The following FAM78B variants were observed in gnomAD, a reference collection of about 807,000 sequenced individuals.
The protein encoded by FAM78B is protein FAM78B.
FAM78B carries 10 observed loss-of-function variants against 20.0 expected under a neutral mutation model. The ratio of observed to expected loss-of-function variants is 0.50; its 90% confidence interval spans 0.31 to 0.85. FAM78B has a LOEUF of 0.85. FAM78B is among the 40% of genes least tolerant of loss of function. The pLI is 0.05. For synonymous variants in FAM78B, 135 were observed against 132.8 expected (o/e 1.02, Z -0.12); for missense variants, 283 against 345.0 (o/e 0.82, Z 1.42).
At chr1:166,109,488 T>C (rs1279541714) in intron 1 of FAM78B, among the ~76,000 whole-genome samples, 10 of 151,906 alleles carry the variant, frequency 6.6e-5, no homozygotes, top group African/African-American at 2.4e-4. Context: ...AGAATGGCCA[T>C]AAATGAAAAA....
rs61835120 is a variant in FAM78B, at chr1:166,130,311, G to C, written c.263+35675C>G. On this transcript the variant is annotated intron_variant, in intron 1 of 1. Transcript: ENST00000354422. ...GCTGGACCACATAGGGATGTGGATAGAATATGCTGTTTCTTCTTTCTGCTT... is the reference window on the plus strand; with the variant it reads ...GCTGGACCACATAGGGATGTGGATACAATATGCTGTTTCTTCTTTCTGCTT... Among the ~76,000 whole-genome samples the C allele has an allele frequency of 8.4e-3, 1,274 of 152,366 alleles. 8 individuals carry two copies. The highest frequency in any genetic ancestry group is 0.012 in the Non-Finnish European group (846 of 68,038).
Position 166,073,534 on chromosome 1 carries a change from C to CT in FAM78B, c.264-2772dup, listed in dbSNP as rs1416198695. Among the ~76,000 whole-genome samples, 16 of 134,218 alleles carry CT rather than the reference C, an allele frequency of 1.2e-4. No homozygotes were observed. In the East Asian group the frequency reaches 2.7e-3, roughly 23 times the overall value. The allele number at this position is 134,218 out of a possible 152,430, so 88.1% of individuals were successfully genotyped here. ...TCTCGCTCCCTTCCTTTCTCTTTCTCTCTTTTTTTTTTTTTTTCCAAAAGG... is the reference window on the plus strand; with the variant it reads ...TCTCGCTCCCTTCCTTTCTCTTTCTCTTCTTTTTTTTTTTTTTTCCAAAAGG... On this transcript the variant is annotated intron_variant, in intron 1 of 1. Transcript: ENST00000354422.
chr1:166,109,866 GTGTATA>G (rs1557903261), intron 1 of FAM78B, among the ~76,000 whole-genome samples: 2 of 17,156 alleles, frequency 1.2e-4, no homozygotes, highest in Non-Finnish European at 2.4e-4. Flanking sequence ...ATATATGTAT[GTGTATA>G]TATATATATG....
At chr1:166,066,482 A>C (rs940588036), downstream of FAM78B, among the ~76,000 whole-genome samples, 6 of 152,210 alleles carry the variant, frequency 3.9e-5, no homozygotes, top group Admixed American at 6.5e-5. Context: ...GGAGAGGCAG[A>C]ACAGGATAGT....
chr1:166,102,007 A>T (rs913854943), intron 1 of FAM78B, among the ~76,000 whole-genome samples: 6 of 152,144 alleles, frequency 3.9e-5, no homozygotes, highest in East Asian at 3.8e-4. Context: ...TAACAGCTGA[A>T]CTCTCGGCAG....
chr1:166,065,009 T>C (rs1651747342), downstream of FAM78B, among the ~76,000 whole-genome samples: 1 of 151,864 alleles, frequency 6.6e-6, no homozygotes, highest in African/African-American at 2.4e-5. Flanking sequence ...CCTTCTAATG[T>C]GGGATAGGAG....
chr1:166,125,500 G>A (rs1447903011), intron 1 of FAM78B, among the ~76,000 whole-genome samples: 2 of 152,166 alleles, frequency 1.3e-5, no homozygotes, highest in African/African-American at 4.8e-5. Context: ...ATTTATCAAT[G>A]TCAAAGTCAG....
At chr1:166,158,015 A>G (rs1244400788) in intron 1 of FAM78B, among the ~76,000 whole-genome samples, 1 of 152,234 alleles carries the variant, frequency 6.6e-6, no homozygotes, top group African/African-American at 2.4e-5. Context: ...GGAGGTTCAC[A>G]CACATGATCT....
chr1:166,112,240 G>A (rs1035522658), intron 1 of FAM78B, among the ~76,000 whole-genome samples: 9 of 152,254 alleles, frequency 5.9e-5, no homozygotes, highest in African/African-American at 1.9e-4. Flanking sequence ...TCACAACCCT[G>A]GTCCTTGGAT....
chr1:166,056,291 G>A (rs990935104), downstream of FAM78B, among the ~76,000 whole-genome samples: 2 of 141,756 alleles, frequency 1.4e-5, no homozygotes, highest in Non-Finnish European at 3.0e-5. Context: ...TGTGTAGAGA[G>A]AGAGAGAGAA....
chr1:166,073,566 G>T (rs1652141519), intron 1 of FAM78B, among the ~76,000 whole-genome samples: 2 of 141,384 alleles, frequency 1.4e-5, no homozygotes, highest in Admixed American at 7.3e-5. Flanking sequence ...AAGGAGAGTT[G>T]TGTCTATAAA....
rs562062524 is a variant in FAM78B at position 166,070,479 on chromosome 1, T to C, written c.548A>G (p.Lys183Arg). Residue 183 changes from lysine (K) to arginine (R), a missense_variant, in exon 2 of 2, where the codon AAG becomes AGG. By Grantham distance (26) the Lys-to-Arg change is conservative (BLOSUM62 2). Transcript: ENST00000354422. ...LVAMNTTTKE[K>R]IILQTIKWRM... is the part of the protein sequence containing the mutation. ...CCACTTGATGGTCTGCAGAATGATCTTCTCCTTTGTGGTGGTGTTCATGGC... is the reference window on the plus strand; with the variant it reads ...CCACTTGATGGTCTGCAGAATGATCCTCTCCTTTGTGGTGGTGTTCATGGC... 3.7e-6 allele frequency: 6 copies of C among 1,614,212 alleles called. 1 individual carries two copies. In the South Asian group the frequency reaches 6.6e-5, roughly 18 times the overall value.
In FAM78B at chr1:166,109,848, A is replaced by ATATG. The variant is rs1653947016; in HGVS notation, c.264-39086_264-39085insCATA. Reference sequence around the variant, plus strand: ...TATATATATGTATATATGTATATATATATATATATATATGTATGTGTATAT... The same window carrying ATATG: ...TATATATATGTATATATGTATATATATATGTATATATATATATGTATGTGTATAT... On this transcript the variant is annotated intron_variant, in intron 1 of 1. Coordinates refer to ENST00000354422, the MANE Select transcript of FAM78B (RefSeq NM_001017961.5). 7.4e-4 allele frequency among the ~76,000 whole-genome samples: 21 copies of ATATG among 28,440 alleles called. 3 individuals carry two copies. The highest frequency in any genetic ancestry group is 6.8e-3 in the East Asian group (3 of 444). 18.7% of individuals were successfully genotyped at this position (28,440 alleles called of 152,430 possible). A position where few individuals can be genotyped will look rare whatever the true frequency, so the allele number is the denominator to read the frequency against.
At chr1:166,086,273 T>G (rs563805578) in intron 1 of FAM78B, among the ~76,000 whole-genome samples, 2 of 152,008 alleles carry the variant, frequency 1.3e-5, no homozygotes, top group African/African-American at 4.8e-5. Context: ...TGATTCTCCC[T>G]CCCCCACCAT....
At chr1:166,118,130 G>A (rs1371942615) in intron 1 of FAM78B, among the ~76,000 whole-genome samples, 1 of 152,186 alleles carries the variant, frequency 6.6e-6, no homozygotes, top group African/African-American at 2.4e-5. Context: ...AGGACCACTG[G>A]GAGAAAGTTA....
intron 1 of FAM78B, among the ~76,000 whole-genome samples, chr1:166,139,320 C>T (rs1655190724): frequency 6.6e-6 from 1 of 152,126 alleles, no homozygotes; most frequent in Non-Finnish European, 1.5e-5. Context: ...ACAAGTGTCT[C>T]CAAGACCAAA....
intron 1 of FAM78B, among the ~76,000 whole-genome samples, chr1:166,143,459 A>G (rs141625198): frequency 4.6e-5 from 7 of 152,294 alleles, no homozygotes; most frequent in African/African-American, 1.4e-4. Flanking sequence ...CTGGTTCCCT[A>G]TCTAGGAAAG....
chr1:166,094,418 G>T (rs1653197729), intron 1 of FAM78B, among the ~76,000 whole-genome samples: 1 of 152,204 alleles, frequency 6.6e-6, no homozygotes, highest in African/African-American at 2.4e-5. Context: ...ACTGTGAAGT[G>T]TGCATGCAAT....
chr1:166,121,462 G>A (rs1654463179), intron 1 of FAM78B, among the ~76,000 whole-genome samples: 1 of 152,172 alleles, frequency 6.6e-6, no homozygotes. Context: ...GGTCCTGGCT[G>A]CCACTGAAGA....
Sources: allele counts gnomAD v4.1 joint callset (sites outside exome capture counted in the v4.1 genomes callset), GRCh38; gene constraint gnomAD v4.1.1; transcripts MANE v1.5; gene names NCBI Gene and HGNC (gene_info 2026-07-23, HGNC 2026-07-21).